Variants in PTPRK observed in about 807,000 individuals in gnomAD.
PTPRK encodes protein tyrosine phosphatase receptor type K.
In PTPRK, 75 loss-of-function variants were observed where a neutral mutation model predicts 178.0. The observed-to-expected ratio is 0.42, with a 90% CI of 0.35 to 0.51. The LOEUF is 0.51. Ranked by LOEUF, PTPRK falls within the 20% of genes least tolerant of loss-of-function variation. The pLI, the probability that PTPRK is intolerant of heterozygous loss-of-function variation, is 0.02. For missense variants in PTPRK, 1,441 were observed against 1,797.8 expected, an observed-to-expected ratio of 0.80 and a Z score of 3.59; for synonymous variants, 637 against 620.6, an observed-to-expected ratio of 1.03 and a Z score of -0.39.
intron 11 of PTPRK, among the ~76,000 whole-genome samples, chr6:128,075,408 A>G (rs867448048): frequency 5.9e-5 from 9 of 151,884 alleles, no homozygotes; most frequent in African/African-American, 1.2e-4. Context: ...GCTGCTGTCA[A>G]TTCTCCCACA....
intron 3 of PTPRK, 64 bp from the exon 4 acceptor site, chr6:128,242,666 G>A: frequency 6.3e-7 from 1 of 1,575,446 alleles, no homozygotes; most frequent in Non-Finnish European, 8.6e-7. Flanking sequence ...CAGTGGAGGG[G>A]AATAGCTAAA....
chr6:128,030,305 C>T (rs1053839659), intron 13 of PTPRK, among the ~76,000 whole-genome samples: 4 of 152,070 alleles, frequency 2.6e-5, no homozygotes, highest in African/African-American at 9.7e-5. Flanking sequence ...TGACTAAAGT[C>T]ACAGGAAAGC....
intron 6 of PTPRK, among the ~76,000 whole-genome samples, chr6:128,213,991 T>C (rs1808744406): frequency 6.6e-6 from 1 of 152,134 alleles, no homozygotes; most frequent in Non-Finnish European, 1.5e-5. Flanking sequence ...TGTGGTTCAT[T>C]GCTCATCCCC....
At chr6:128,030,585 G>C (rs1173129293) in intron 13 of PTPRK, among the ~76,000 whole-genome samples, 1 of 152,060 alleles carries the variant, frequency 6.6e-6, no homozygotes, top group Admixed American at 6.6e-5. Flanking sequence ...TTGCATTCTT[G>C]GATTATTTTA....
chr6:128,186,150 G>T (rs1284321779), intron 6 of PTPRK, among the ~76,000 whole-genome samples: 2 of 151,878 alleles, frequency 1.3e-5, no homozygotes, highest in Middle Eastern at 3.4e-3. Flanking sequence ...CTACACATTG[G>T]GTATCCATAT....
intron 1 of PTPRK, among the ~76,000 whole-genome samples, chr6:128,409,929 C>G (rs923366760): frequency 5.3e-5 from 8 of 152,124 alleles, no homozygotes; most frequent in Admixed American, 1.3e-4. Flanking sequence ...TCAGGTATGT[C>G]TTTATCAGCA....
chr6:128,099,724 G>T (rs945130506), intron 7 of PTPRK, among the ~76,000 whole-genome samples: 1 of 152,054 alleles, frequency 6.6e-6, no homozygotes, highest in Non-Finnish European at 1.5e-5. Flanking sequence ...GGAATAGAGA[G>T]ACAGATAAGG....
intron 7 of PTPRK, among the ~76,000 whole-genome samples, chr6:128,176,648 T>C (rs139728090): frequency 0.01 from 1,524 of 151,784 alleles, 13 homozygotes; most frequent in Non-Finnish European, 0.017. Context: ...TTGAACATGC[T>C]TTTTTTCCCC....
At chr6:128,010,833 G>C (rs1316123223) in intron 13 of PTPRK, among the ~76,000 whole-genome samples, 1 of 151,002 alleles carries the variant, frequency 6.6e-6, no homozygotes, top group Admixed American at 6.6e-5. Flanking sequence ...GCAAGGCTTT[G>C]GCTGGTGTAT....
intron 2 of PTPRK, among the ~76,000 whole-genome samples, chr6:128,382,427 T>A (rs1838074590): frequency 1.3e-5 from 2 of 150,230 alleles, no homozygotes; most frequent in Non-Finnish European, 3.0e-5. Context: ...TTTTTTTTTT[T>A]AATAGAGTCT....
intron 1 of PTPRK, among the ~76,000 whole-genome samples, chr6:128,464,647 A>ATATATATATGTATATG (rs1849576377): frequency 1.1e-5 from 1 of 93,032 alleles, no homozygotes; most frequent in African/African-American, 5.2e-5. Flanking sequence ...ACATATATAT[A>ATATATATATGTATATG]TATATATATA....
At chr6:127,978,712 T>C (rs959463074) in intron 25 of PTPRK, among the ~76,000 whole-genome samples, 2 of 152,122 alleles carry the variant, frequency 1.3e-5, no homozygotes. Flanking sequence ...GGGGAGGGGA[T>C]ATGCATGAGG....
intron 1 of PTPRK, among the ~76,000 whole-genome samples, chr6:128,408,256 C>A (rs141295187): frequency 6.6e-6 from 1 of 151,972 alleles, no homozygotes; most frequent in Non-Finnish European, 1.5e-5. Context: ...GGCGTGGTGG[C>A]GGGCGCCTGT....
At chr6:128,503,304 C>T (rs986336881) in intron 1 of PTPRK, among the ~76,000 whole-genome samples, 3 of 152,196 alleles carry the variant, frequency 2.0e-5, no homozygotes, top group African/African-American at 7.2e-5. Flanking sequence ...ATTACTTCCT[C>T]ATTTTCCCAA....
At chr6:128,420,527 T>G (rs751588221) in intron 1 of PTPRK, among the ~76,000 whole-genome samples, 54 of 152,186 alleles carry the variant, frequency 3.5e-4, no homozygotes, top group Non-Finnish European at 7.2e-4. Flanking sequence ...GCCATTGCCC[T>G]CAGAATGCTT....
chr6:128,198,047 T>G (rs1195355747), intron 6 of PTPRK, among the ~76,000 whole-genome samples: 2 of 152,262 alleles, frequency 1.3e-5, no homozygotes, highest in East Asian at 1.9e-4. Context: ...TAAATCACCT[T>G]TAGCTGTTCA....
intron 11 of PTPRK, among the ~76,000 whole-genome samples, chr6:128,076,718 T>A (rs908498623): frequency 6.6e-6 from 1 of 152,090 alleles, no homozygotes; most frequent in African/African-American, 2.4e-5. Flanking sequence ...TGTTTCTAAT[T>A]GGTCTTTAGA....
chr6:128,483,716 C>T (rs1009543189), intron 1 of PTPRK, among the ~76,000 whole-genome samples: 1 of 152,096 alleles, frequency 6.6e-6, no homozygotes, highest in Non-Finnish European at 1.5e-5. Flanking sequence ...GACGAACCAA[C>T]CTGTCCCAAA....
intron 2 of PTPRK, among the ~76,000 whole-genome samples, chr6:128,323,532 A>T (rs1214038365): frequency 6.6e-6 from 1 of 152,004 alleles, no homozygotes; most frequent in Non-Finnish European, 1.5e-5. Flanking sequence ...CCCTCCCCAA[A>T]ATTTGTACCC....
Sources: gnomAD v4.1 joint callset for allele counts (sites outside exome capture counted in the v4.1 genomes callset) on GRCh38, gnomAD v4.1.1 for gene constraint, MANE v1.5 for transcripts, NCBI Gene and HGNC (gene_info 2026-07-23, HGNC 2026-07-21) for gene names.